Variants in TOP1 observed in about 807,000 individuals in gnomAD.
The protein encoded by TOP1 is DNA topoisomerase 1.
TOP1 carries 10 observed loss-of-function variants against 111.1 expected under a neutral mutation model. The ratio of observed to expected loss-of-function variants is 0.09; its 90% CI spans 0.06 to 0.15. The LOEUF (loss-of-function observed/expected upper bound fraction) is 0.15, where lower values mean the gene tolerates loss of function less well. TOP1 is among the 10% of genes least tolerant of loss of function. The pLI, the probability that TOP1 is intolerant of heterozygous loss-of-function variation, is 1.00. For missense variants in TOP1, 474 were observed against 926.7 expected (o/e 0.51, Z 6.34); for synonymous variants, 271 against 302.9 (o/e 0.89, Z 1.10).
intron 18 of TOP1, among the ~76,000 whole-genome samples, chr20:41,120,918 T>A (rs2034412663): frequency 6.6e-6 from 1 of 152,178 alleles, no homozygotes; most frequent in Non-Finnish European, 1.5e-5. Context: ...ATTTTTTGTA[T>A]TTTTAGTAGA....
rs893332260 is a variant in TOP1 at position 41,097,118 on chromosome 20, T to G, written c.731-102T>G. 22 of 1,322,704 alleles carry G rather than the reference T, an allele frequency of 1.7e-5. No individual in the cohort carries two copies. Among genetic ancestry groups the G allele is most frequent in the Non-Finnish European group, 2.1e-5 (20 of 965,266 alleles). 81.9% of individuals were successfully genotyped at this position (1,322,704 alleles called of 1,614,324 possible). A position where few individuals can be genotyped will look rare whatever the true frequency, so the allele number is the denominator to read the frequency against. ...TGTGTCACCAGACCTTTATATACCA[T>G]GAGAAGGCAAACCATTATTAAAGAG... On this transcript the variant is annotated intron_variant, in intron 9 of 20. Coordinates refer to ENST00000361337, the MANE Select transcript of TOP1 (RefSeq NM_003286.4). The surrounding 1 kb of genome is among the most constrained non-coding windows in gnomAD (Gnocchi z 4.2).
rs973070238 is a variant in TOP1, at chr20:41,113,891, A to C, written c.1453-79A>C. On this transcript the variant is annotated intron_variant, in intron 14 of 20. Transcript: ENST00000361337. ...AGCGAGACTGTCTCAAAAAAAAAAAAAAAAAAAACACAGAACGAAATTGTG... is the reference window on the plus strand; with the variant it reads ...AGCGAGACTGTCTCAAAAAAAAAAACAAAAAAAACACAGAACGAAATTGTG... The C allele has an allele frequency of 1.3e-5, 16 of 1,225,142 alleles. No individual in the cohort carries two copies. The African/African-American group carries it at 1.8e-4, about 14-fold the overall frequency. 75.9% of individuals were successfully genotyped at this position (1,225,142 alleles called of 1,614,324 possible).
rs551063083 is a variant in TOP1, at chr20:41,055,189, A to G, written c.59-6205A>G. ...AAAATATTTGTTACTAGAAAGCATT[A>G]GTTGGCCTGAATTCACAGTGAATTA... On this transcript the variant is annotated intron_variant, in intron 2 of 20. Transcript: ENST00000361337. 1.1e-4 allele frequency among the ~76,000 whole-genome samples: 16 copies of G among 152,352 alleles called. No homozygotes were observed. In the East Asian group the frequency reaches 3.1e-3, roughly 29 times the overall value.
rs2145937055 is a variant in TOP1 at position 41,079,298 on chromosome 20, G to T, written c.336-787G>T. Among the ~76,000 whole-genome samples the T allele has an allele frequency of 6.6e-6, 1 of 152,302 alleles. No individual in the cohort carries two copies. The highest frequency in any genetic ancestry group is 6.5e-5 in the Admixed American group (1 of 15,306). The stretch of plus-strand genomic sequence containing the variant: ...AGTGAGGTTCTGAAGAGATGTGCCA[G>T]GCCAGGGAGCATCCCATGGCTGCAG... On this transcript the variant is annotated intron_variant, in intron 5 of 20. Transcript: ENST00000361337. This position sits in a 1 kb window ranked among gnomAD's most constrained non-coding sequence, Gnocchi z 4.0.
In TOP1 at chr20:41,102,482, T is replaced by C. The variant is rs539957176; in HGVS notation, c.1308+1129T>C. ...AAAATTAGCCAGGCGTGGTAGTGGG[T>C]GCCTGTAATCCCATCTACTTGGGAG... is the stretch of plus-strand genomic sequence containing the variant. On this transcript the variant is annotated intron_variant, in intron 13 of 20. Transcript: ENST00000361337. This position sits in a 1 kb window ranked among gnomAD's most constrained non-coding sequence, Gnocchi z 4.0. 2.0e-5 allele frequency among the ~76,000 whole-genome samples: 3 copies of C among 152,052 alleles called. No homozygotes were observed. Among genetic ancestry groups the C allele is most frequent in the Non-Finnish European group, 4.4e-5 (3 of 68,016 alleles).
chr20:41,056,563 C>T lies in TOP1; in HGVS notation c.59-4831C>T, dbSNP rs76937450. Among the ~76,000 whole-genome samples the T allele has an allele frequency of 7.2e-3, 1,099 of 152,276 alleles. 19 individuals carry two copies. Among genetic ancestry groups the T allele is most frequent in the Non-Finnish European group, 7.8e-3 (532 of 68,018 alleles). ...TGTGGTGATGTAATCATAGCTCCAT[C>T]CTTGAACTCCTGTGCCCAAGCAGTC... On this transcript the variant is annotated intron_variant, in intron 2 of 20. Transcript: ENST00000361337.
chr20:41,116,397 G>GT lies in TOP1; in HGVS notation c.1822+6dup. The GT allele has an allele frequency of 6.2e-7, 1 of 1,612,528 alleles. No individual in the cohort carries two copies. Among genetic ancestry groups the GT allele is most frequent in the Non-Finnish European group, 8.5e-7 (1 of 1,178,546 alleles). ...AGCTAAAAGAACTGACAGCCCGTAA[G>GT]TATTGCTTGGCCAGATAGGGCCCAC... On this transcript the variant is annotated splice_donor_region_variant and intron_variant, in intron 17 of 20. Coordinates refer to ENST00000361337, the MANE Select transcript of TOP1 (RefSeq NM_003286.4). This position sits in a 1 kb window ranked among gnomAD's most constrained non-coding sequence, Gnocchi z 5.6.
Position 41,092,467 on chromosome 20 carries a change from T to C in TOP1, c.615-5T>C, listed in dbSNP as rs749460763. On this transcript the variant is annotated splice_region_variant and splice_polypyrimidine_tract_variant and intron_variant, in intron 8 of 20. Transcript: ENST00000361337. This position sits in a 1 kb window ranked among gnomAD's most constrained non-coding sequence, Gnocchi z 4.3. ...CTAAATGAGGCTGTGCTTTGTCTTT[T>C]AAAGGTGGGAAGAAGAGCGCTATCC... 7.3e-6 allele frequency: 11 copies of C among 1,504,162 alleles called. No individual in the cohort carries two copies. In the South Asian group the frequency reaches 1.3e-4, roughly 18 times the overall value. 93.2% of individuals were successfully genotyped at this position (1,504,162 alleles called of 1,614,324 possible).
chr20:41,057,903 A>G (rs1235809887), intron 2 of TOP1, among the ~76,000 whole-genome samples: 3 of 152,198 alleles, frequency 2.0e-5, no homozygotes, highest in Non-Finnish European at 4.4e-5. Context: ...GATTTTAGCC[A>G]TAAGTGTTTG....
rs1162565055 is a variant in TOP1 at position 41,106,891 on chromosome 20, TA to T, written c.1308+5540del. The stretch of plus-strand genomic sequence containing the variant: ...TCAGTTCATATATTTCATATTTCTT[TA>T]AGTTTTAATTTTTATTTTTAAACAC... On this transcript the variant is annotated intron_variant, in intron 13 of 20. Transcript: ENST00000361337. This position sits in a 1 kb window ranked among gnomAD's most constrained non-coding sequence, Gnocchi z 4.3. Among the ~76,000 whole-genome samples, 3 of 152,208 alleles carry T rather than the reference TA, an allele frequency of 2.0e-5. 1 individual carries two copies. The highest frequency in any genetic ancestry group is 7.2e-5 in the African/African-American group (3 of 41,468).
Position 41,028,894 on chromosome 20 carries a change from C to T in TOP1, c.-174C>T, listed in dbSNP as rs1053443973. ...CGCCCGCCCGGCAGTCAGGCAGCGT[C>T]GCCGCCGTGGTAGCAGCCTCAGCCG... On this transcript the variant is annotated 5_prime_UTR_variant, in exon 1 of 21. Coordinates refer to ENST00000361337, the MANE Select transcript of TOP1 (RefSeq NM_003286.4). 5.3e-6 allele frequency: 3 copies of T among 571,394 alleles called. No homozygotes were observed. The highest frequency in any genetic ancestry group is 2.1e-5 in the South Asian group (1 of 48,774). 35.4% of individuals were successfully genotyped at this position (571,394 alleles called of 1,614,324 possible). A position where few individuals can be genotyped will look rare whatever the true frequency, so the allele number is the denominator to read the frequency against.
chr20:41,029,204 C>T lies in TOP1; in HGVS notation c.33+104C>T. The T allele has an allele frequency of 1.0e-6, 1 of 967,354 alleles. No homozygotes were observed. The highest frequency in any genetic ancestry group is 2.3e-5 in the South Asian group (1 of 42,648). The allele number at this position is 967,354 out of a possible 1,614,324, so 59.9% of individuals were successfully genotyped here. Reference sequence around the variant, plus strand: ...GCCCCGGCCCGGCAGCTTTGACAGGCCGGAGCCCCCGGTGAGGGGCCGCCT... The same window carrying T: ...GCCCCGGCCCGGCAGCTTTGACAGGTCGGAGCCCCCGGTGAGGGGCCGCCT... On this transcript the variant is annotated intron_variant, in intron 1 of 20. Transcript: ENST00000361337. This position sits in a 1 kb window ranked among gnomAD's most constrained non-coding sequence, Gnocchi z 6.1.
In TOP1 at chr20:41,071,582, T is replaced by C. The variant is rs2033669931; in HGVS notation, c.156-4589T>C. Among the ~76,000 whole-genome samples, 1 of 152,116 alleles carries C rather than the reference T, an allele frequency of 6.6e-6. No homozygotes were observed. The highest frequency in any genetic ancestry group is 6.5e-5 in the Admixed American group (1 of 15,270). ...CTGGTCTCGAACTCCTGACCTCAGG[T>C]GATCTGCCCGCCTCGGCCTCCTGAA... On this transcript the variant is annotated intron_variant, in intron 3 of 20. Coordinates refer to ENST00000361337, the MANE Select transcript of TOP1 (RefSeq NM_003286.4). The surrounding 1 kb of genome is among the most constrained non-coding windows in gnomAD (Gnocchi z 4.3).
rs1270347967 is a variant in TOP1, at chr20:41,094,373, A to G, written c.730+1786A>G. On this transcript the variant is annotated intron_variant, in intron 9 of 20. Transcript: ENST00000361337. This position sits in a 1 kb window ranked among gnomAD's most constrained non-coding sequence, Gnocchi z 4.4. Reference sequence around the variant, plus strand: ...AAGAGCACCATCTCAAAGCGTAGGTATTCCGTAGGCCTGGTCTGGACTTAC... The same window carrying G: ...AAGAGCACCATCTCAAAGCGTAGGTGTTCCGTAGGCCTGGTCTGGACTTAC... Among the ~76,000 whole-genome samples, 1 of 152,224 alleles carries G rather than the reference A, an allele frequency of 6.6e-6. No individual in the cohort carries two copies. Among genetic ancestry groups the G allele is most frequent in the Non-Finnish European group, 1.5e-5 (1 of 68,038 alleles).
At chr20:41,044,792 G>A (rs769403537) in intron 2 of TOP1, among the ~76,000 whole-genome samples, 3 of 152,026 alleles carry the variant, frequency 2.0e-5, no homozygotes, top group African/African-American at 7.3e-5. Context: ...GTGTGTGTGA[G>A]TGAGAGAGAG....
At chr20:41,090,061 C>T (rs985195926) in intron 8 of TOP1, among the ~76,000 whole-genome samples, 59 of 152,038 alleles carry the variant, frequency 3.9e-4, no homozygotes, top group African/African-American at 1.4e-3. Flanking sequence ...GCAACATCTG[C>T]CTCCCAGGTT....
intron 9 of TOP1, among the ~76,000 whole-genome samples, chr20:41,096,599 T>A (rs1307809126): frequency 6.6e-6 from 1 of 152,210 alleles, no homozygotes; most frequent in Non-Finnish European, 1.5e-5. Flanking sequence ...AACTCCCACA[T>A]GATGCCAATG....
intron 3 of TOP1, among the ~76,000 whole-genome samples, chr20:41,063,827 T>C (rs2033575423): frequency 6.6e-6 from 1 of 151,576 alleles, no homozygotes; most frequent in Non-Finnish European, 1.5e-5. Context: ...TCCTTATAGA[T>C]TCTGGATATT....
chr20:41,037,258 G>A (rs1423819741), intron 2 of TOP1, among the ~76,000 whole-genome samples: 1 of 152,072 alleles, frequency 6.6e-6, no homozygotes, highest in African/African-American at 2.4e-5. Context: ...CCATTTAATA[G>A]AATTATGGAT....
Sources: allele counts gnomAD v4.1 joint callset (sites outside exome capture counted in the v4.1 genomes callset), GRCh38; gene constraint gnomAD v4.1.1; non-coding constraint Gnocchi (gnomAD v3.1); transcripts MANE v1.5; gene names NCBI Gene and HGNC (gene_info 2026-07-23, HGNC 2026-07-21).